EPB41L3: variants seen among roughly 807,000 people sequenced by gnomAD.
EPB41L3 encodes the protein erythrocyte membrane protein band 4.1 like 3.
Under a neutral mutation model 127.1 loss-of-function variants are expected in EPB41L3, and 57 were observed. That is an observed-to-expected ratio of 0.45 (90% CI 0.36 to 0.56). EPB41L3 has a LOEUF of 0.56. Ranked by LOEUF, EPB41L3 falls within the 20% of genes least tolerant of loss-of-function variation. The pLI, the probability that EPB41L3 is intolerant of heterozygous loss-of-function variation, is 0.00. For missense variants in EPB41L3, 1,273 were observed against 1,372.2 expected, an observed-to-expected ratio of 0.93 and a Z score of 1.14; for synonymous variants, 572 against 549.5, an observed-to-expected ratio of 1.04 and a Z score of -0.57.
At chr18:5,615,124 A>T (rs1302893435) in intron 1 of EPB41L3, among the ~76,000 whole-genome samples, 2 of 152,218 alleles carry the variant, frequency 1.3e-5, no homozygotes, top group African/African-American at 4.8e-5. Context: ...AAGAGAAAAG[A>T]ACTGAGCTTT....
intron 1 of EPB41L3, among the ~76,000 whole-genome samples, chr18:5,491,525 G>T (rs565752186): frequency 2.6e-5 from 4 of 152,254 alleles, no homozygotes; most frequent in South Asian, 4.1e-4. Flanking sequence ...ATGTAAAATG[G>T]ATAGAGCCCA....
chr18:5,549,844 C>T (rs982829152), intron 3 of EPB41L3, among the ~76,000 whole-genome samples: 3 of 151,994 alleles, frequency 2.0e-5, no homozygotes, highest in Non-Finnish European at 4.4e-5. Context: ...AAGTTGGAAC[C>T]GAAAACGGGT....
intron 6 of EPB41L3, among the ~76,000 whole-genome samples, chr18:5,436,349 C>T (rs1312752636): frequency 6.6e-6 from 1 of 151,466 alleles, no homozygotes; most frequent in Non-Finnish European, 1.5e-5. Flanking sequence ...ACAGCCTCAG[C>T]TCTACAAATA....
At chr18:5,468,983 G>A (rs1456932200) in intron 3 of EPB41L3, among the ~76,000 whole-genome samples, 2 of 152,056 alleles carry the variant, frequency 1.3e-5, no homozygotes, top group Admixed American at 6.5e-5. Flanking sequence ...AGAGGAAAAA[G>A]AGCTACCCAC....
chr18:5,416,423 GT>G, intron 12 of EPB41L3, 45 bp from the exon 13 acceptor site: 2 of 1,534,180 alleles, frequency 1.3e-6, no homozygotes. Flanking sequence ...GCAAACAGAG[GT>G]GCAAAAGGAC....
At chr18:5,424,482 C>T (rs2077893237) in intron 9 of EPB41L3, 123 bp from the exon 10 acceptor site, 1 of 664,080 alleles carries the variant, frequency 1.5e-6, no homozygotes, top group South Asian at 2.2e-5. Flanking sequence ...AGATCAATTG[C>T]TATATGCATA....
At chr18:5,610,016 G>T in intron 3 of EPB41L3, 2 of 804,824 alleles carry the variant, frequency 2.5e-6, no homozygotes, top group Non-Finnish European at 3.0e-6. Context: ...AACTGGAGGT[G>T]CCTGGGCAGT....
intron 3 of EPB41L3, among the ~76,000 whole-genome samples, chr18:5,569,972 A>G (rs1319227784): frequency 6.6e-6 from 1 of 152,196 alleles, no homozygotes; most frequent in Non-Finnish European, 1.5e-5. Flanking sequence ...TTTTGTTAAA[A>G]AGCACTATTT....
chr18:5,599,711 C>T (rs1251973329), intron 3 of EPB41L3, among the ~76,000 whole-genome samples: 1 of 152,110 alleles, frequency 6.6e-6, no homozygotes. Context: ...TGCCTTCCGC[C>T]ATGGTTGTAA....
At chr18:5,565,452 T>TC (rs1232784483) in intron 3 of EPB41L3, among the ~76,000 whole-genome samples, 2 of 150,770 alleles carry the variant, frequency 1.3e-5, no homozygotes, top group Non-Finnish European at 3.0e-5. Context: ...TCTTCTCTTT[T>TC]CTTTTTTTTT....
At chr18:5,569,678 A>AT (rs1475517882) in intron 3 of EPB41L3, among the ~76,000 whole-genome samples, 1 of 152,214 alleles carries the variant, frequency 6.6e-6, no homozygotes, top group Admixed American at 6.5e-5. Context: ...AGCTTTCTAC[A>AT]GCTACTTCTC....
intron 3 of EPB41L3, among the ~76,000 whole-genome samples, chr18:5,584,497 CCCAA>C (rs2094425639): frequency 6.6e-6 from 1 of 152,124 alleles, no homozygotes; most frequent in Non-Finnish European, 1.5e-5. Context: ...CTTAAGTTTT[CCCAA>C]CCTTTTCCTC....
chr18:5,397,532 CT>C lies in EPB41L3; in HGVS notation c.2473-107del. 1 of 1,353,416 alleles carries C rather than the reference CT, an allele frequency of 7.4e-7. No homozygotes were observed. Among genetic ancestry groups the C allele is most frequent in the Non-Finnish European group, 1.0e-6 (1 of 1,002,076 alleles). The allele number at this position is 1,353,416 out of a possible 1,614,324, so 83.8% of individuals were successfully genotyped here. ...GGATGTCTAAAGCCAGCAGCAAGTG[CT>C]TATAACCAGAAACACTGACGAAAAA... On this transcript the variant is annotated intron_variant, in intron 17 of 22. Coordinates refer to ENST00000341928, the MANE Select transcript of EPB41L3 (RefSeq NM_012307.5). The surrounding 1 kb of genome is among the most constrained non-coding windows in gnomAD (Gnocchi z 4.1).
chr18:5,489,455 T>C (rs990104178), intron 1 of EPB41L3: 7 of 415,942 alleles, frequency 1.7e-5, no homozygotes, highest in Non-Finnish European at 2.9e-5. Flanking sequence ...CTATTAGATT[T>C]TTGCCACAAC....
chr18:5,461,945 G>C (rs1192820643), intron 3 of EPB41L3, among the ~76,000 whole-genome samples: 2 of 152,128 alleles, frequency 1.3e-5, no homozygotes, highest in Non-Finnish European at 2.9e-5. Context: ...CCTCTCTGCT[G>C]TGCAGAGAGG....
chr18:5,584,484 T>G lies in EPB41L3; in HGVS notation c.-306+27856A>C, dbSNP rs114769448. 3.9e-3 allele frequency among the ~76,000 whole-genome samples: 601 copies of G among 152,320 alleles called. 6 individuals are homozygous for G. The highest frequency in any genetic ancestry group is 0.014 in the African/African-American group (567 of 41,572). On this transcript the variant is annotated intron_variant, in intron 3 of 21. Coordinates refer to the EPB41L3 transcript ENST00000545076. ...TGGGTCATTTCATAGTTTTATAAAG[T>G]TACTTAAGTTTTCCCAACCTTTTCC...
rs143286892 is a variant in EPB41L3, at chr18:5,494,964, C to G, written c.-11-5770G>C. 2.8e-3 allele frequency among the ~76,000 whole-genome samples: 434 copies of G among 152,316 alleles called. 3 individuals are homozygous for G. The highest frequency in any genetic ancestry group is 9.3e-3 in the African/African-American group (387 of 41,572). Reference sequence around the variant, plus strand: ...ACATGGGAACCTCAGAAAGCATTAACTGGGCTTCTCCATTGTTTCAGCTCA... The same window carrying G: ...ACATGGGAACCTCAGAAAGCATTAAGTGGGCTTCTCCATTGTTTCAGCTCA... On this transcript the variant is annotated intron_variant, in intron 1 of 22. Transcript: ENST00000341928.
intron 13 of EPB41L3, among the ~76,000 whole-genome samples, chr18:5,415,178 G>T (rs1237230809): frequency 1.3e-5 from 2 of 152,180 alleles, no homozygotes; most frequent in Non-Finnish European, 2.9e-5. Context: ...GTTGCTTCTG[G>T]GCTTGTTTCT....
At chr18:5,481,815 G>A (rs201510669) in intron 2 of EPB41L3, among the ~76,000 whole-genome samples, 1 of 152,158 alleles carries the variant, frequency 6.6e-6, no homozygotes, top group African/African-American at 2.4e-5. Context: ...CACTCCCATC[G>A]CTTACGAGAG....
Sources: allele counts gnomAD v4.1 joint callset (sites outside exome capture counted in the v4.1 genomes callset), GRCh38; gene constraint gnomAD v4.1.1; non-coding constraint Gnocchi (gnomAD v3.1); transcripts MANE v1.5; gene names NCBI Gene and HGNC (gene_info 2026-07-23, HGNC 2026-07-21).